The following LRRC34 variants were observed in gnomAD, a reference collection of about 807,000 sequenced individuals.
LRRC34 encodes the protein leucine rich repeat containing 34.
Under a neutral mutation model 48.5 loss-of-function variants are expected in LRRC34, and 44 were observed. The observed-to-expected ratio is 0.91, with a 90% CI of 0.71 to 1.17. The LOEUF (loss-of-function observed/expected upper bound fraction) is 1.17, where lower values mean the gene tolerates loss of function less well. LRRC34 is among the 50% of genes most tolerant of loss of function. The pLI is 0.00. For missense variants in LRRC34, 502 were observed against 563.0 expected (o/e 0.89, Z 1.10); for synonymous variants, 192 against 197.6 (o/e 0.97, Z 0.24).
In LRRC34 at chr3:169,796,319, C is replaced by G. The variant is rs762557836; in HGVS notation, c.959G>C (p.Ser320Thr). The G allele has an allele frequency of 6.2e-7, 1 of 1,611,366 alleles. No homozygotes were observed. The highest frequency in any genetic ancestry group is 1.1e-5 in the South Asian group (1 of 90,348). Residue 320 changes from serine to threonine, a missense_variant, in exon 9 of 11, where the codon AGC becomes ACC. Transcript: ENST00000446859. ...GMVYLADVLK[S>T]NTTLEVIDLS... Reference sequence around the variant, plus strand: ...ATCTATTACTTCCAGGGTAGTGTTGCTTTTCAGTACATCAGCCAAATACAC... The same window carrying G: ...ATCTATTACTTCCAGGGTAGTGTTGGTTTTCAGTACATCAGCCAAATACAC...
rs530340693 is a variant in LRRC34 at position 169,799,606 on chromosome 3, G to A, written c.753+1053C>T. 3.3e-5 allele frequency among the ~76,000 whole-genome samples: 5 copies of A among 152,244 alleles called. No individual in the cohort carries two copies. The South Asian group carries it at 8.3e-4, about 25-fold the overall frequency. ...CAGGAGGTGGAGGCTGCCGTGAGCC[G>A]ATATCATGCCACCGCACTCCAGCCT... is the stretch of plus-strand genomic sequence containing the variant. On this transcript the variant is annotated intron_variant, in intron 7 of 10. Transcript: ENST00000446859.
intron 4 of LRRC34, among the ~76,000 whole-genome samples, chr3:169,807,134 T>C (rs1159587900): frequency 6.6e-6 from 1 of 152,184 alleles, no homozygotes; most frequent in Non-Finnish European, 1.5e-5. Flanking sequence ...GTAATCAAAA[T>C]ATAATTACAA....
intron 6 of LRRC34, among the ~76,000 whole-genome samples, chr3:169,803,092 A>G (rs532820130): frequency 6.6e-6 from 1 of 152,306 alleles, no homozygotes; most frequent in South Asian, 2.1e-4. Flanking sequence ...TCCCAAGAGT[A>G]GGCCTAAAGA....
rs1576752967 is a variant in LRRC34 at position 169,812,048 on chromosome 3, T to C, written c.139+362A>G. Among the ~76,000 whole-genome samples, 1 of 152,056 alleles carries C rather than the reference T, an allele frequency of 6.6e-6. No homozygotes were observed. The highest frequency in any genetic ancestry group is 2.1e-4 in the South Asian group (1 of 4,806). On this transcript the variant is annotated intron_variant, in intron 1 of 10. Coordinates refer to ENST00000446859, the MANE Select transcript of LRRC34 (RefSeq NM_001172779.2). The surrounding 1 kb of genome is among the most constrained non-coding windows in gnomAD (Gnocchi z 4.3). Reference sequence around the variant, plus strand: ...CCTCATGCCCCCCTGTGACCTGCTCTCTGGGACTTTCACAAAAAGGGGGCT... The same window carrying C: ...CCTCATGCCCCCCTGTGACCTGCTCCCTGGGACTTTCACAAAAAGGGGGCT...
Position 169,793,788 on chromosome 3 carries a change from A to G in LRRC34, c.1242T>C (p.Asp414=). 6.2e-7 allele frequency: 1 copy of G among 1,613,780 alleles called. No individual in the cohort carries two copies. Among genetic ancestry groups the G allele is most frequent in the South Asian group, 1.1e-5 (1 of 91,044 alleles). Residue 414 remains aspartate, a synonymous_variant, in exon 11 of 11, where the codon GAT becomes GAC. Transcript: ENST00000446859. ...GTCCATCTACCACAAATGGCTCCAC[A>G]TCTGTATTGTCTGGTTTTAGACAAC... ...QMGCLKPDNT[D]VEPFVVDGRV... is the part of the protein sequence containing the mutation.
chr3:169,808,467 A>G (rs1779456739), intron 2 of LRRC34, among the ~76,000 whole-genome samples, 161 bp downstream of exon 2: 1 of 152,068 alleles, frequency 6.6e-6, no homozygotes, highest in Non-Finnish European at 1.5e-5. Context: ...TCTAAGACCT[A>G]CTAACAGTGT....
intron 6 of LRRC34, 110 bp from the exon 7 acceptor site, chr3:169,800,864 T>C (rs1779164987): frequency 1.4e-6 from 1 of 711,742 alleles, no homozygotes; most frequent in African/African-American, 1.8e-5. Flanking sequence ...TTTTAAAATT[T>C]AAGCATTCCT....
chr3:169,805,955 T>C (rs995162167), intron 5 of LRRC34, among the ~76,000 whole-genome samples: 10 of 150,050 alleles, frequency 6.7e-5, no homozygotes, highest in Non-Finnish European at 1.0e-4. Flanking sequence ...AAAATTCATA[T>C]GGAAATGCAA....
chr3:169,794,792 G>C (rs757404300), intron 10 of LRRC34: 1 of 152,182 alleles, frequency 6.6e-6, no homozygotes, highest in Non-Finnish European at 1.5e-5. Context: ...TGGAAATTTA[G>C]ACATTAAAAG....
chr3:169,812,119 G>T lies in LRRC34; in HGVS notation c.139+291C>A, dbSNP rs1269109442. ...CCCCTCCCGGAGACCCTGAGAGCAC[G>T]GCGACAGACACCATCTGCACAACCT... is the stretch of plus-strand genomic sequence containing the variant. On this transcript the variant is annotated intron_variant, in intron 1 of 10. Coordinates refer to ENST00000446859, the MANE Select transcript of LRRC34 (RefSeq NM_001172779.2). This position sits in a 1 kb window ranked among gnomAD's most constrained non-coding sequence, Gnocchi z 4.3. Among the ~76,000 whole-genome samples the T allele has an allele frequency of 4.9e-5, 7 of 142,578 alleles. No homozygotes were observed. Among genetic ancestry groups the T allele is most frequent in the African/African-American group, 1.8e-4 (7 of 39,242 alleles). 93.5% of individuals were successfully genotyped at this position (142,578 alleles called of 152,430 possible). A position where few individuals can be genotyped will look rare whatever the true frequency, so the allele number is the denominator to read the frequency against.
chr3:169,805,776 T>C (rs762615570), intron 5 of LRRC34, among the ~76,000 whole-genome samples: 11 of 149,492 alleles, frequency 7.4e-5, no homozygotes, highest in Admixed American at 3.4e-4. Flanking sequence ...CCCAGCTACT[T>C]GGGAGGCTGA....
At chr3:169,800,587 G>T in intron 7 of LRRC34, 72 bp downstream of exon 7, 1 of 865,688 alleles carries the variant, frequency 1.2e-6, no homozygotes, top group South Asian at 1.6e-5. Flanking sequence ...CATGTACCTT[G>T]ACATAAACTT....
In LRRC34 at chr3:169,812,523, A is replaced by G. The variant is rs989831829; in HGVS notation, c.26T>C (p.Val9Ala). The change falls in exon 1 of 11, where the codon GTG (valine) becomes GCG (alanine). Residue 9 changes from valine to alanine, a missense_variant. Physicochemically the swap from Val to Ala is moderately conservative, Grantham distance 64. Transcript: ENST00000446859. This position sits in a 1 kb window ranked among gnomAD's most constrained non-coding sequence, Gnocchi z 4.3. ...GGAGCTCCCCATGCTCCTCTCACCC[A>G]CTGGCCGCGGCGGCTGCGCTGCCAT... Reference protein sequence around the residue: MAAQPPRPVGERSMGSSRE... With the variant: MAAQPPRPAGERSMGSSRE... 4 of 1,512,032 alleles carry G rather than the reference A, an allele frequency of 2.6e-6. No homozygotes were observed. In the African/African-American group the frequency reaches 5.7e-5, roughly 22 times the overall value. The allele number at this position is 1,512,032 out of a possible 1,614,324, so 93.7% of individuals were successfully genotyped here.
rs1002757099 is a variant in LRRC34 at position 169,800,704 on chromosome 3, T to A, written c.708A>T (p.Ala236=). The change falls in exon 7 of 11, where the codon GCA becomes GCT. Residue 236 remains alanine (A), a synonymous_variant. Transcript: ENST00000446859. ...GTCGGTTTAGGTTTATTGCCTTAAT[T>A]GCTTGGTTTTGAGTTAGTACTGTAG... ...AFATVLTQNQ[A]IKAINLNRPI... is the part of the protein sequence containing the mutation. 4 of 1,535,238 alleles carry A rather than the reference T, an allele frequency of 2.6e-6. No homozygotes were observed. Among genetic ancestry groups the A allele is most frequent in the African/African-American group, 1.4e-5 (1 of 73,032 alleles).
In LRRC34 at chr3:169,793,570, T is replaced by C; in HGVS notation, c.*65A>G. On this transcript the variant is annotated 3_prime_UTR_variant, in exon 11 of 11. Coordinates refer to ENST00000446859, the MANE Select transcript of LRRC34 (RefSeq NM_001172779.2). ...TTTTAATTTATAAAAGAAAATAGGC[T>C]ATAGAATATTAATCTCTGTGAAACA... The C allele has an allele frequency of 8.7e-7, 1 of 1,145,642 alleles. No individual in the cohort carries two copies. Among genetic ancestry groups the C allele is most frequent in the African/African-American group, 1.6e-5 (1 of 64,008 alleles). 71.0% of individuals were successfully genotyped at this position (1,145,642 alleles called of 1,614,324 possible).
intron 4 of LRRC34, 59 bp from the exon 5 acceptor site, chr3:169,806,990 T>G: frequency 1.1e-6 from 1 of 879,656 alleles, no homozygotes; most frequent in Non-Finnish European, 1.9e-6. Flanking sequence ...CAGTTTTACA[T>G]ACATGTATAT....
Position 169,804,086 on chromosome 3 carries a change from T to C in LRRC34, c.624A>G (p.Ser208=), listed in dbSNP as rs1264013623. The C allele has an allele frequency of 4.4e-6, 7 of 1,599,096 alleles. No individual in the cohort carries two copies. Among genetic ancestry groups the C allele is most frequent in the Non-Finnish European group, 6.0e-6 (7 of 1,172,954 alleles). The change falls in exon 6 of 11, where the codon TCA becomes TCG. Residue 208 remains serine (S), a synonymous_variant. Coordinates refer to ENST00000446859, the MANE Select transcript of LRRC34 (RefSeq NM_001172779.2). ...FFAAMLQINS[S]LEKLDLGDCD... The stretch of plus-strand genomic sequence containing the variant: ...AGTCACCCAGATCTAATTTCTCTAA[T>C]GATGAATTAATTTGCAGCATTGCAG...
In LRRC34 at chr3:169,793,275, C is replaced by T. The variant is rs887422335; in HGVS notation, c.*360G>A. On this transcript the variant is annotated 3_prime_UTR_variant, in exon 11 of 11. Transcript: ENST00000446859. The stretch of plus-strand genomic sequence containing the variant: ...TTTGAAAGTCACTGGTAATTTTCTA[C>T]CACAAACCTTTTTATTAATACTACT... Among the ~76,000 whole-genome samples the T allele has an allele frequency of 1.3e-5, 2 of 152,142 alleles. No individual in the cohort carries two copies. The highest frequency in any genetic ancestry group is 4.8e-5 in the African/African-American group (2 of 41,428).
intron 5 of LRRC34, among the ~76,000 whole-genome samples, chr3:169,806,107 A>G (rs9874833): frequency 0.016 from 2,449 of 152,300 alleles, 53 homozygotes; most frequent in African/African-American, 0.056. Flanking sequence ...AATAGAATTG[A>G]GAGTACAGAA....
Sources: gnomAD v4.1 joint callset for allele counts (sites outside exome capture counted in the v4.1 genomes callset) on GRCh38, gnomAD v4.1.1 for gene constraint, Gnocchi (gnomAD v3.1) non-coding constraint, MANE v1.5 for transcripts, NCBI Gene and HGNC (gene_info 2026-07-23, HGNC 2026-07-21) for gene names.